The following FHIT variants were observed in gnomAD, a reference collection of about 807,000 sequenced individuals.
The protein encoded by FHIT is fragile histidine triad diadenosine triphosphatase.
A neutral mutation model predicts 17.9 loss-of-function variants in FHIT; 19 were observed. That is an observed-to-expected ratio of 1.06 (90% confidence interval 0.74 to 1.56). The LOEUF is 1.56. Ranked by LOEUF, FHIT falls within the 40% of genes most tolerant of loss-of-function variation. FHIT has a pLI of 0.00. For synonymous variants in FHIT, 81 were observed against 69.7 expected (o/e 1.16, Z -0.81); for missense variants, 248 against 189.2 (o/e 1.31, Z -1.82).
chr3:60,680,577 A>C (rs1429549495), intron 4 of FHIT, among the ~76,000 whole-genome samples: 2 of 130,430 alleles, frequency 1.5e-5, no homozygotes, highest in Non-Finnish European at 3.2e-5. Flanking sequence ...TTTTTTTGCC[A>C]ATGTTCATGT....
intron 5 of FHIT, among the ~76,000 whole-genome samples, chr3:60,451,279 C>T (rs2031726653): frequency 1.3e-5 from 2 of 152,054 alleles, no homozygotes; most frequent in South Asian, 2.1e-4. Flanking sequence ...GCCACGAAAA[C>T]CAACTTGCCG....
intron 5 of FHIT, among the ~76,000 whole-genome samples, chr3:60,512,323 C>T (rs1444509460): frequency 6.6e-6 from 1 of 152,182 alleles, no homozygotes; most frequent in Non-Finnish European, 1.5e-5. Flanking sequence ...GACAGCCAGT[C>T]AGCAACAGAC....
chr3:61,140,360 C>T (rs561139399), intron 2 of FHIT, among the ~76,000 whole-genome samples: 1 of 152,240 alleles, frequency 6.6e-6, no homozygotes, highest in South Asian at 2.1e-4. Context: ...TCCTTATCCA[C>T]TAAGAATACC....
intron 4 of FHIT, among the ~76,000 whole-genome samples, chr3:60,540,596 C>T (rs2036154994): frequency 6.6e-6 from 1 of 152,200 alleles, no homozygotes; most frequent in South Asian, 2.1e-4. Context: ...CATTTGGTCA[C>T]AGTAGTAGTC....
At chr3:60,919,516 G>A (rs1707170541) in intron 3 of FHIT, among the ~76,000 whole-genome samples, 1 of 151,824 alleles carries the variant, frequency 6.6e-6, no homozygotes, top group Non-Finnish European at 1.5e-5. Context: ...TATTCATGGT[G>A]TGGAGAAACC....
chr3:61,044,622 AAT>A (rs2033694003), intron 2 of FHIT, among the ~76,000 whole-genome samples: 1 of 152,124 alleles, frequency 6.6e-6, no homozygotes, highest in Non-Finnish European at 1.5e-5. Context: ...AAATTCAGGA[AAT>A]ACAGAGACGC....
intron 4 of FHIT, among the ~76,000 whole-genome samples, chr3:60,821,444 C>A (rs2106768717): frequency 6.6e-6 from 1 of 152,304 alleles, no homozygotes; most frequent in South Asian, 2.1e-4. Context: ...TGAAGGAGAT[C>A]TGTTTCAACA....
At chr3:60,754,565 A>G (rs564744719) in intron 4 of FHIT, among the ~76,000 whole-genome samples, 1 of 152,222 alleles carries the variant, frequency 6.6e-6, no homozygotes, top group East Asian at 1.9e-4. Flanking sequence ...CAGGAGGCAG[A>G]GGTTGCGGTG....
At chr3:60,909,346 G>A (rs559879859) in intron 3 of FHIT, among the ~76,000 whole-genome samples, 2 of 144,688 alleles carry the variant, frequency 1.4e-5, no homozygotes, top group South Asian at 2.2e-4. Context: ...TCCAGTCTGG[G>A]CAGCAGAGCG....
At chr3:60,247,434 G>T (rs1179902130) in intron 5 of FHIT, among the ~76,000 whole-genome samples, 1 of 151,834 alleles carries the variant, frequency 6.6e-6, no homozygotes, top group Admixed American at 6.6e-5. Context: ...TGATGAAGAT[G>T]AAGATGAAGA....
chr3:60,510,608 G>A lies in FHIT; in HGVS notation c.103+26252C>T, dbSNP rs114760173. Among the ~76,000 whole-genome samples the A allele has an allele frequency of 8.9e-3, 1,254 of 140,704 alleles. 17 individuals carry two copies. The highest frequency in any genetic ancestry group is 0.031 in the African/African-American group (1,195 of 38,264). 92.3% of individuals were successfully genotyped at this position (140,704 alleles called of 152,430 possible). ...TAGAAAATGAGATCTCATGGGAGAC[G>A]ATAAAGACCAGGCTTCCAAGACAGA... On this transcript the variant is annotated intron_variant, in intron 5 of 9. Transcript: ENST00000492590.
intron 7 of FHIT, among the ~76,000 whole-genome samples, chr3:59,931,398 T>A (rs1041243164): frequency 2.0e-5 from 3 of 152,182 alleles, no homozygotes; most frequent in African/African-American, 7.2e-5. Flanking sequence ...CACTTAGTTC[T>A]AAAATAAATG....
chr3:60,235,732 G>C (rs1437333133), intron 5 of FHIT, among the ~76,000 whole-genome samples: 1 of 152,086 alleles, frequency 6.6e-6, no homozygotes, highest in African/African-American at 2.4e-5. Context: ...CATCACAACA[G>C]AAAGAAAGCT....
At chr3:60,082,316 T>C (rs1703323345) in intron 5 of FHIT, among the ~76,000 whole-genome samples, 1 of 150,828 alleles carries the variant, frequency 6.6e-6, no homozygotes, top group Non-Finnish European at 1.5e-5. Flanking sequence ...ATTCTTTTTT[T>C]ATGGCCATGT....
chr3:61,056,931 TA>T (rs1454266551), intron 2 of FHIT, among the ~76,000 whole-genome samples: 1 of 151,864 alleles, frequency 6.6e-6, no homozygotes, highest in Non-Finnish European at 1.5e-5. Context: ...AAGCAAAAGA[TA>T]AAAAAAACAA....
At chr3:61,018,759 C>A (rs1559913699) in intron 3 of FHIT, among the ~76,000 whole-genome samples, 2 of 152,272 alleles carry the variant, frequency 1.3e-5, no homozygotes, top group East Asian at 1.9e-4. Context: ...TAATCACTGT[C>A]TGTTTTTTTA....
intron 8 of FHIT, among the ~76,000 whole-genome samples, chr3:59,791,367 T>C (rs573739916): frequency 2.6e-4 from 40 of 152,228 alleles, no homozygotes; most frequent in African/African-American, 9.6e-4. Flanking sequence ...CATAAGCTAG[T>C]AGGATGTGAG....
At chr3:60,993,259 A>G (rs1575809689) in intron 3 of FHIT, among the ~76,000 whole-genome samples, 2 of 152,258 alleles carry the variant, frequency 1.3e-5, no homozygotes, top group Admixed American at 1.3e-4. Flanking sequence ...CAGGCCATAC[A>G]TAATTGATTG....
intron 2 of FHIT, among the ~76,000 whole-genome samples, chr3:61,046,186 T>C (rs1221086945): frequency 2.6e-5 from 4 of 151,968 alleles, no homozygotes; most frequent in Admixed American, 2.0e-4. Context: ...CTTCAAAAAA[T>C]CAATGAATCC....
Sources: allele counts gnomAD v4.1 joint callset (sites outside exome capture counted in the v4.1 genomes callset), GRCh38; gene constraint gnomAD v4.1.1; transcripts MANE v1.5; gene names NCBI Gene and HGNC (gene_info 2026-07-23, HGNC 2026-07-21).